KRT222: variants seen among roughly 807,000 people sequenced by gnomAD.
KRT222 encodes keratin 222, also known as keratin-like protein KRT222.
In KRT222, 23 loss-of-function variants were observed where a neutral mutation model predicts 35.0. That is an observed-to-expected ratio of 0.66 (90% CI 0.47 to 0.93). The LOEUF is 0.93. KRT222 is among the 40% of genes least tolerant of loss of function. KRT222 has a pLI of 0.00. For synonymous variants in KRT222, 108 were observed against 118.8 expected, an observed-to-expected ratio of 0.91 and a Z score of 0.59; for missense variants, 339 against 346.3, an observed-to-expected ratio of 0.98 and a Z score of 0.17.
intron 4 of KRT222, 27 bp from the exon 5 acceptor site, chr17:40,657,514 T>A: frequency 6.5e-7 from 1 of 1,544,486 alleles, no homozygotes; most frequent in Non-Finnish European, 8.8e-7. Context: ...TATGATATAT[T>A]AAATTACAGT....
Position 40,659,919 on chromosome 17 carries a change from ACATCAACAATGG to A in KRT222, c.446+56_446+67del, listed in dbSNP as rs1286587036. ...GTTTTTGGATTTAATTTCTCTGACT[ACATCAACAATGG>A]CATAAGTGGCTCTGTATTTCTGGCC... On this transcript the variant is annotated intron_variant, in intron 3 of 5. Coordinates refer to ENST00000394052, the MANE Select transcript of KRT222 (RefSeq NM_152349.3). 1.9e-5 allele frequency: 25 copies of A among 1,308,650 alleles called. No homozygotes were observed. The African/African-American group carries it at 3.2e-4, about 17-fold the overall frequency. 81.1% of individuals were successfully genotyped at this position (1,308,650 alleles called of 1,614,324 possible).
chr17:40,662,205 T>A, intron 1 of KRT222, 161 bp from the exon 2 acceptor site: 2 of 752,814 alleles, frequency 2.7e-6, no homozygotes, highest in Non-Finnish European at 4.1e-6. Flanking sequence ...GTTAACTAAT[T>A]AAATATGTAA....
chr17:40,659,095 C>T (rs1597757057), intron 3 of KRT222, among the ~76,000 whole-genome samples: 1 of 151,224 alleles, frequency 6.6e-6, no homozygotes, highest in South Asian at 2.1e-4. Context: ...ACAGACTAAT[C>T]CTAGAAGAGA....
At chr17:40,659,961 G>A in intron 3 of KRT222, 26 bp downstream of exon 3, 2 of 1,589,250 alleles carry the variant, frequency 1.3e-6, no homozygotes, top group Non-Finnish European at 1.7e-6. Flanking sequence ...CTGGCCCCTT[G>A]TCATTAACTA....
rs757517147 is a variant in KRT222 at position 40,660,156 on chromosome 17, G to T, written c.277C>A (p.Gln93Lys). ...ATCACAGTCTCTAGGTCTTGCAGCTGCATCTGGTAATGCTGCTCGCTGGCA... is the reference window on the plus strand; with the variant it reads ...ATCACAGTCTCTAGGTCTTGCAGCTTCATCTGGTAATGCTGCTCGCTGGCA... ...LHASEQHYQM[Q>K]LQDLETVIEG... is the part of the protein sequence containing the mutation. The change falls in exon 3 of 6, where the codon CAG becomes AAG. Residue 93 changes from glutamine (Q) to lysine (K), a missense_variant. Transcript: ENST00000394052. The T allele has an allele frequency of 6.2e-7, 1 of 1,614,110 alleles. No homozygotes were observed. Among genetic ancestry groups the T allele is most frequent in the South Asian group, 1.1e-5 (1 of 91,078 alleles).
At chr17:40,656,944 C>T (rs925567043) in intron 5 of KRT222, among the ~76,000 whole-genome samples, 96 of 152,160 alleles carry the variant, frequency 6.3e-4, no homozygotes, top group African/African-American at 2.2e-3. Context: ...TGTGGTGGCT[C>T]ATGCCTGTAA....
At chr17:40,658,146 T>C (rs1387530093) in intron 3 of KRT222, among the ~76,000 whole-genome samples, 1 of 151,994 alleles carries the variant, frequency 6.6e-6, no homozygotes, top group Non-Finnish European at 1.5e-5. Flanking sequence ...CTCTTTTTTT[T>C]TTTTTTGGAA....
chr17:40,658,886 C>A (rs2037362136), intron 3 of KRT222, among the ~76,000 whole-genome samples: 1 of 152,138 alleles, frequency 6.6e-6, no homozygotes. Flanking sequence ...CTTTTGATAT[C>A]TTTTCCTATC....
chr17:40,661,259 CT>C lies in KRT222; in HGVS notation c.225+656del, dbSNP rs778993189. Among the ~76,000 whole-genome samples, 60 of 144,080 alleles carry C rather than the reference CT, an allele frequency of 4.2e-4. No individual in the cohort carries two copies. In the East Asian group the frequency reaches 4.3e-3, roughly 10 times the overall value. 94.5% of individuals were successfully genotyped at this position (144,080 alleles called of 152,430 possible). A position where few individuals can be genotyped will look rare whatever the true frequency, so the allele number is the denominator to read the frequency against. On this transcript the variant is annotated intron_variant, in intron 2 of 5. Coordinates refer to ENST00000394052, the MANE Select transcript of KRT222 (RefSeq NM_152349.3). Reference sequence around the variant, plus strand: ...CAAACATGCTTAAATATTTTTCTTTCTTTTTTTTTTTCCTTTTCTTTTCTGG... The same window carrying C: ...CAAACATGCTTAAATATTTTTCTTTCTTTTTTTTTTCCTTTTCTTTTCTGG...
chr17:40,658,971 A>T (rs772451394), intron 3 of KRT222, among the ~76,000 whole-genome samples: 1 of 152,174 alleles, frequency 6.6e-6, no homozygotes, highest in South Asian at 2.1e-4. Context: ...ATTACGTTAG[A>T]GTAATGATTA....
At chr17:40,657,142 G>A (rs925316159) in intron 5 of KRT222, 7 of 285,694 alleles carry the variant, frequency 2.5e-5, no homozygotes, top group South Asian at 8.4e-5. Context: ...AACCCGGGAG[G>A]TGGAGGTTGC....
At chr17:40,664,068 A>AT (rs2037404228) in intron 1 of KRT222, among the ~76,000 whole-genome samples, 1 of 151,782 alleles carries the variant, frequency 6.6e-6, no homozygotes. Flanking sequence ...AAGGCCTGAC[A>AT]TTTTTCTACC....
chr17:40,662,130 A>C, intron 1 of KRT222, 86 bp from the exon 2 acceptor site: 1 of 1,525,670 alleles, frequency 6.6e-7, no homozygotes, highest in Non-Finnish European at 8.8e-7. Context: ...ATTATAGAAA[A>C]ATTGTATAGG....
At chr17:40,661,889 G>A in intron 2 of KRT222, 27 bp downstream of exon 2, 2 of 1,608,974 alleles carry the variant, frequency 1.2e-6, no homozygotes, top group African/African-American at 1.3e-5. Flanking sequence ...GACTCGATGG[G>A]TCGGTTACTT....
Position 40,665,092 on chromosome 17 carries a change from A to G in KRT222, c.8T>C (p.Leu3Pro). ...CCTGATCTCATTGAGTAGCTGGGAC[A>G]GTTCCATTCTTTTCCCATCCTCCAC... is the stretch of plus-strand genomic sequence containing the variant. ME[L>P]SQLLNEIRAN... is the part of the protein sequence containing the mutation. The change falls in exon 1 of 6, where the codon CTG (leucine) becomes CCG (proline). Residue 3 changes from leucine (L) to proline (P), a missense_variant. Leu to Pro is a moderately conservative substitution (Grantham distance 98). Coordinates refer to ENST00000394052, the MANE Select transcript of KRT222 (RefSeq NM_152349.3). 1 of 1,613,978 alleles carries G rather than the reference A, an allele frequency of 6.2e-7. No homozygotes were observed. The highest frequency in any genetic ancestry group is 8.5e-7 in the Non-Finnish European group (1 of 1,179,978).
intron 4 of KRT222, 68 bp from the exon 5 acceptor site, chr17:40,657,555 A>C (rs1350972607): frequency 6.8e-7 from 1 of 1,478,956 alleles, no homozygotes; most frequent in African/African-American, 1.5e-5. Context: ...TTATATTCAA[A>C]CTTTTATTCA....
At chr17:40,661,709 G>A (rs996309685) in intron 2 of KRT222, among the ~76,000 whole-genome samples, 6 of 152,168 alleles carry the variant, frequency 3.9e-5, no homozygotes, top group African/African-American at 1.4e-4. Context: ...CATTTTTACA[G>A]GTCTGAACTA....
chr17:40,657,481 A>C lies in KRT222; in HGVS notation c.530T>G (p.Ile177Arg). The C allele has an allele frequency of 6.3e-7, 1 of 1,591,456 alleles. No homozygotes were observed. The highest frequency in any genetic ancestry group is 8.6e-7 in the Non-Finnish European group (1 of 1,164,854). The change falls in exon 5 of 6, where the codon ATA becomes AGA. Residue 177 changes from isoleucine (I) to arginine (R), a missense_variant. Ile to Arg is a moderately conservative substitution (Grantham distance 97). Transcript: ENST00000394052. ...RVGFVLPSAI[I>R]NEISFTTKVP... ...TTTTGTAGTAAAAGATATTTCATTT[A>C]TAATGGCTGTGAAAATATCATTTAT... is the stretch of plus-strand genomic sequence containing the variant.
rs2037355608 is a variant in KRT222, at chr17:40,657,744, A to G, written c.453T>C (p.Tyr151=). 6.2e-7 allele frequency: 1 copy of G among 1,608,570 alleles called. No individual in the cohort carries two copies. Among genetic ancestry groups the G allele is most frequent in the Non-Finnish European group, 8.5e-7 (1 of 1,176,176 alleles). Reference sequence around the variant, plus strand: ...CTTTTTTCCCACCTTGGATACAACCATAATATCTGAAATCAGAAAGAATTT... The same window carrying G: ...CTTTTTTCCCACCTTGGATACAACCGTAATATCTGAAATCAGAAAGAATTT... ...HLLEKEEIRY[Y]GCIQGGKKDK... is the part of the protein sequence containing the mutation. Residue 151 remains tyrosine (Y), a synonymous_variant, in exon 4 of 6, where the codon TAT becomes TAC. Coordinates refer to ENST00000394052, the MANE Select transcript of KRT222 (RefSeq NM_152349.3).
Sources: gnomAD v4.1 joint callset for allele counts (sites outside exome capture counted in the v4.1 genomes callset) on GRCh38, gnomAD v4.1.1 for gene constraint, MANE v1.5 for transcripts, NCBI Gene and HGNC (gene_info 2026-07-23, HGNC 2026-07-21) for gene names.